Variants in THADA observed in about 807,000 individuals in gnomAD.
The protein encoded by THADA is tRNA (32-2'-O)-methyltransferase regulator THADA.
THADA carries 213 observed loss-of-function variants against 219.8 expected under a neutral mutation model. The observed-to-expected ratio is 0.97, with a 90% CI of 0.87 to 1.09. The LOEUF (loss-of-function observed/expected upper bound fraction) is 1.09. Among genes scored for constraint, THADA ranks in the 50% least tolerant of loss-of-function variants. The pLI is 0.00. For synonymous variants in THADA, 1,018 were observed against 828.9 expected (o/e 1.23, Z -3.92); for missense variants, 2,956 against 2,311.3 (o/e 1.28, Z -5.72).
chr2:43,525,147 T>A (rs974351570), intron 22 of THADA, among the ~76,000 whole-genome samples: 2 of 152,214 alleles, frequency 1.3e-5, no homozygotes, highest in East Asian at 3.8e-4. Context: ...AACCATTCCC[T>A]CTTTCAACTT....
At chr2:43,571,314 C>T (rs1293278254) in intron 13 of THADA, among the ~76,000 whole-genome samples, 2 of 145,998 alleles carry the variant, frequency 1.4e-5, no homozygotes, top group Non-Finnish European at 3.0e-5. Flanking sequence ...TGCAGTGGTA[C>T]AATCTCGGCT....
intron 36 of THADA, among the ~76,000 whole-genome samples, chr2:43,233,715 G>A (rs931121341): frequency 6.6e-6 from 1 of 152,090 alleles, no homozygotes; most frequent in African/African-American, 2.4e-5. Context: ...TCAACATTTG[G>A]CCTTAGACAA....
chr2:43,285,210 T>C (rs900222728), intron 35 of THADA, among the ~76,000 whole-genome samples: 1 of 152,176 alleles, frequency 6.6e-6, no homozygotes, highest in Non-Finnish European at 1.5e-5. Context: ...GGACATGAGA[T>C]TCAGGAGGGG....
intron 21 of THADA, among the ~76,000 whole-genome samples, chr2:43,540,308 G>A (rs1000126462): frequency 7.9e-5 from 12 of 152,096 alleles, no homozygotes; most frequent in East Asian, 1.9e-4. Flanking sequence ...CATCACAAGC[G>A]CAGCTGTTAA....
At chr2:43,542,541 A>T (rs1364254581) in intron 20 of THADA, among the ~76,000 whole-genome samples, 1 of 152,232 alleles carries the variant, frequency 6.6e-6, no homozygotes, top group African/African-American at 2.4e-5. Flanking sequence ...ACAGCACTGC[A>T]GAAAATTCAG....
At chr2:43,236,296 C>T (rs948793933) in intron 36 of THADA, among the ~76,000 whole-genome samples, 6 of 152,242 alleles carry the variant, frequency 3.9e-5, no homozygotes, top group African/African-American at 7.2e-5. Flanking sequence ...TTTGGGGATG[C>T]GGGGGGAAGG....
At chr2:43,392,952 C>A (rs978687322) in intron 29 of THADA, among the ~76,000 whole-genome samples, 1 of 152,154 alleles carries the variant, frequency 6.6e-6, no homozygotes, top group Non-Finnish European at 1.5e-5. Context: ...ATGGTCCTAT[C>A]AGTTCCTAGA....
At chr2:43,458,372 T>C (rs1203679549) in intron 26 of THADA, among the ~76,000 whole-genome samples, 3 of 152,152 alleles carry the variant, frequency 2.0e-5, no homozygotes, top group East Asian at 1.9e-4. Context: ...TGAATGATGA[T>C]TTCATTGTGC....
At chr2:43,562,921 T>C (rs1404176110) in intron 15 of THADA, 1 of 152,240 alleles carries the variant, frequency 6.6e-6, no homozygotes, top group African/African-American at 2.4e-5. Flanking sequence ...GAAATGTTCC[T>C]ACTTTCATTT....
intron 26 of THADA, among the ~76,000 whole-genome samples, chr2:43,438,263 C>A (rs1332071964): frequency 1.5e-5 from 2 of 137,494 alleles, no homozygotes; most frequent in Non-Finnish European, 3.0e-5. Context: ...GATCGTGCCA[C>A]TGCATTCCAG....
chr2:43,300,167 GTC>G (rs940952440), intron 31 of THADA, among the ~76,000 whole-genome samples: 3 of 151,666 alleles, frequency 2.0e-5, no homozygotes, highest in African/African-American at 7.3e-5. Context: ...TTGAGACAGA[GTC>G]TCTGTCACCC....
At chr2:43,253,897 T>A (rs1468530149) in intron 36 of THADA, among the ~76,000 whole-genome samples, 1 of 151,992 alleles carries the variant, frequency 6.6e-6, no homozygotes, top group Non-Finnish European at 1.5e-5. Flanking sequence ...GCATTCCAGG[T>A]TTTAGCAGAC....
intron 28 of THADA, among the ~76,000 whole-genome samples, chr2:43,400,974 C>T (rs1464885955): frequency 5.9e-5 from 9 of 152,170 alleles, no homozygotes; most frequent in Admixed American, 2.6e-4. Context: ...TCAAGCCCTT[C>T]TGAAATAAAT....
At chr2:43,508,266 G>A (rs1175217878) in intron 23 of THADA, among the ~76,000 whole-genome samples, 1 of 152,088 alleles carries the variant, frequency 6.6e-6, no homozygotes, top group East Asian at 1.9e-4. Context: ...GTTGCCTACA[G>A]AGAGTATTGA....
intron 22 of THADA, among the ~76,000 whole-genome samples, chr2:43,509,921 C>T (rs951417760): frequency 6.6e-6 from 1 of 152,130 alleles, no homozygotes; most frequent in African/African-American, 2.4e-5. Flanking sequence ...ACCCTTGCTT[C>T]TTCGACACTC....
chr2:43,530,697 A>G (rs995306891), intron 21 of THADA, among the ~76,000 whole-genome samples: 1 of 152,246 alleles, frequency 6.6e-6, no homozygotes, highest in Non-Finnish European at 1.5e-5. Flanking sequence ...GTGGATTTAC[A>G]ACAGTTCATA....
intron 36 of THADA, among the ~76,000 whole-genome samples, chr2:43,244,813 G>A (rs1026259615): frequency 2.3e-4 from 35 of 152,316 alleles, no homozygotes; most frequent in African/African-American, 7.9e-4. Context: ...CAGAGGGTTC[G>A]ATCGCCTCCA....
rs1201472672 is a variant in THADA, at chr2:43,299,965, T to C, written c.4439-6752A>G. ...ACTGCTTGAACCTGTGACGCGGAGG[T>C]AGCAGTGAGCCGAGATTGTGCCACT... On this transcript the variant is annotated intron_variant, in intron 31 of 37. Transcript: ENST00000405975. Among the ~76,000 whole-genome samples the C allele has an allele frequency of 6.4e-5, 9 of 140,756 alleles. 1 individual carries two copies. Among genetic ancestry groups the C allele is most frequent in the African/African-American group, 1.1e-4 (4 of 37,160 alleles). The allele number at this position is 140,756 out of a possible 152,430, so 92.3% of individuals were successfully genotyped here.
intron 25 of THADA, among the ~76,000 whole-genome samples, chr2:43,489,994 A>G (rs1394841691): frequency 6.6e-6 from 1 of 152,116 alleles, no homozygotes; most frequent in Non-Finnish European, 1.5e-5. Context: ...TGATGAACAC[A>G]GGAGATCTTT....
Sources: gnomAD v4.1 joint callset for allele counts (sites outside exome capture counted in the v4.1 genomes callset) on GRCh38, gnomAD v4.1.1 for gene constraint, MANE v1.5 for transcripts, NCBI Gene and HGNC (gene_info 2026-07-23, HGNC 2026-07-21) for gene names.